UHRF1: variants seen among roughly 807,000 people sequenced by gnomAD.
UHRF1 encodes the protein E3 ubiquitin-protein ligase UHRF1.
Under a neutral mutation model 96.5 loss-of-function variants are expected in UHRF1, and 9 were observed. That is an observed-to-expected ratio of 0.09 (90% CI 0.06 to 0.16). The LOEUF is 0.16. Among genes scored for constraint, UHRF1 ranks in the 10% least tolerant of loss-of-function variants. The pLI, the probability that UHRF1 is intolerant of heterozygous loss-of-function variation, is 1.00. For missense variants in UHRF1, 626 were observed against 1,131.1 expected, an observed-to-expected ratio of 0.55 and a Z score of 6.40; for synonymous variants, 455 against 469.9, an observed-to-expected ratio of 0.97 and a Z score of 0.41.
At chr19:4,921,779 T>TA (rs2032712689) in intron 2 of UHRF1, among the ~76,000 whole-genome samples, 1 of 151,916 alleles carries the variant, frequency 6.6e-6, no homozygotes, top group Non-Finnish European at 1.5e-5. Context: ...AGAAAATTGA[T>TA]AAAGATGTAG....
At chr19:4,903,809 A>G (rs1025191139) in intron 1 of UHRF1, among the ~76,000 whole-genome samples, 2 of 151,914 alleles carry the variant, frequency 1.3e-5, no homozygotes, top group Non-Finnish European at 2.9e-5. Flanking sequence ...AGGTGCATAC[A>G]CACTCATTTT....
Position 4,941,567 on chromosome 19 carries a change from C to T in UHRF1, c.825C>T (p.Asp275=), listed in dbSNP as rs372527212. The change falls in exon 6 of 17, where the codon GAC becomes GAT. Residue 275 remains aspartate (D), a synonymous_variant. Transcript: ENST00000650932. Reference sequence around the variant, plus strand: ...ACGACTGTCGGATCATCTTCGTGGACGAAGTCTTCAAGATTGAGCGGCCGG... The same window carrying T: ...ACGACTGTCGGATCATCTTCGTGGATGAAGTCTTCAAGATTGAGCGGCCGG... The part of the protein sequence containing the change: ...SLNDCRIIFV[D]EVFKIERPGE... 2.0e-5 allele frequency: 33 copies of T among 1,613,610 alleles called. No homozygotes were observed. In the African/African-American group the frequency reaches 2.3e-4, roughly 11 times the overall value.
rs17886934 is a variant in UHRF1 at position 4,941,509 on chromosome 19, G to C, written c.786-19G>C. The stretch of plus-strand genomic sequence containing the variant: ...GGCCTCGGCAGGCCAGAATGTTCCA[G>C]CGTCCTCGTTCCTTGCAGGGATGAT... On this transcript the variant is annotated intron_variant, in intron 5 of 16. Transcript: ENST00000650932. 21 of 1,602,330 alleles carry C rather than the reference G, an allele frequency of 1.3e-5. No homozygotes were observed. Among genetic ancestry groups the C allele is most frequent in the African/African-American group, 1.1e-4 (8 of 74,696 alleles).
At chr19:4,941,108 T>TTTTTTTG (rs2033383759) in intron 5 of UHRF1, among the ~76,000 whole-genome samples, 2 of 111,298 alleles carry the variant, frequency 1.8e-5, no homozygotes, top group South Asian at 3.1e-4. Flanking sequence ...TTTTTTTTTT[T>TTTTTTTG]GAGACTGAGT....
At chr19:4,928,197 C>T (rs368723511) in intron 2 of UHRF1, among the ~76,000 whole-genome samples, 1 of 152,058 alleles carries the variant, frequency 6.6e-6, no homozygotes, top group Non-Finnish European at 1.5e-5. Flanking sequence ...AGGCCAGGGA[C>T]GCTGCTCAGC....
chr19:4,957,594 C>T (rs2033892373), intron 16 of UHRF1, among the ~76,000 whole-genome samples: 9 of 152,154 alleles, frequency 5.9e-5, no homozygotes, highest in Admixed American at 4.6e-4. Flanking sequence ...AGGTGTAAGC[C>T]ACCGCGCCCA....
intron 11 of UHRF1, 78 bp from the exon 12 acceptor site, chr19:4,950,533 C>G (rs1396848754): frequency 6.7e-7 from 1 of 1,482,788 alleles, no homozygotes; most frequent in Non-Finnish European, 9.1e-7. Context: ...CCTGAGCCAC[C>G]ACTCCCGGCT....
intron 10 of UHRF1, among the ~76,000 whole-genome samples, chr19:4,946,178 C>G (rs1035587883): frequency 1.3e-5 from 2 of 152,084 alleles, no homozygotes; most frequent in African/African-American, 4.8e-5. Flanking sequence ...ACGAAGCACT[C>G]ACTCCCCACC....
rs1262599379 is a variant in UHRF1, at chr19:4,954,415, G to A, written c.1884G>A (p.Glu628=). Residue 628 remains glutamate (E), a synonymous_variant, in exon 14 of 17, where the codon GAG becomes GAA. Coordinates refer to ENST00000650932, the MANE Select transcript of UHRF1 (RefSeq NM_001048201.3). The surrounding 1 kb of genome is among the most constrained non-coding windows in gnomAD (Gnocchi z 5.9). ...GAGAGAAGGAGAACAGCAAGAGGGAGGAGGAGGAGCAGCAGGAGGGGGGCT... is the reference window on the plus strand; with the variant it reads ...GAGAGAAGGAGAACAGCAAGAGGGAAGAGGAGGAGCAGCAGGAGGGGGGCT... The part of the protein sequence containing the change: ...REREKENSKR[E]EEEQQEGGFA... 3 of 1,613,764 alleles carry A rather than the reference G, an allele frequency of 1.9e-6. No individual in the cohort carries two copies. The highest frequency in any genetic ancestry group is 2.7e-5 in the African/African-American group (2 of 74,930).
At chr19:4,942,864 G>A (rs1284232000) in intron 7 of UHRF1, among the ~76,000 whole-genome samples, 2 of 152,108 alleles carry the variant, frequency 1.3e-5, no homozygotes, top group African/African-American at 4.8e-5. Context: ...CTGGAGCCCA[G>A]GAGGTCGAGG....
intron 9 of UHRF1, among the ~76,000 whole-genome samples, chr19:4,944,672 G>C (rs1394837293): frequency 1.3e-5 from 2 of 152,220 alleles, no homozygotes; most frequent in African/African-American, 2.4e-5. Context: ...TCTGCTCAGA[G>C]ACACGTAAGG....
upstream of UHRF1, among the ~76,000 whole-genome samples, chr19:4,907,704 C>CTTTTTTTTTTTT (rs59867968): frequency 2.1e-5 from 1 of 47,666 alleles, no homozygotes; most frequent in Non-Finnish European, 3.6e-5. Flanking sequence ...TTGGCCTGAT[C>CTTTTTTTTTTTT]TTTTTTTTTT....
intron 4 of UHRF1, among the ~76,000 whole-genome samples, chr19:4,932,219 G>A (rs1337670313): frequency 2.0e-5 from 3 of 152,146 alleles, no homozygotes; most frequent in Admixed American, 6.5e-5. Flanking sequence ...CACCGTGCCC[G>A]GCCATGCCTG....
chr19:4,931,531 G>A (rs1331814849), intron 4 of UHRF1, among the ~76,000 whole-genome samples: 1 of 150,318 alleles, frequency 6.7e-6, no homozygotes, highest in Non-Finnish European at 1.5e-5. Flanking sequence ...GCAATGGCGT[G>A]GTCTCAGCTC....
chr19:4,912,283 C>T (rs1167473973), intron 2 of UHRF1, among the ~76,000 whole-genome samples: 1 of 152,228 alleles, frequency 6.6e-6, no homozygotes, highest in African/African-American at 2.4e-5. Context: ...CTCCCTCCTC[C>T]TATGATGCGT....
chr19:4,947,055 T>C (rs2033587502), intron 10 of UHRF1, 50 bp from the exon 11 acceptor site: 3 of 1,440,082 alleles, frequency 2.1e-6, no homozygotes, highest in African/African-American at 2.9e-5. Context: ...AGTCTCTTTT[T>C]TTTTTTTTGC....
chr19:4,906,126 A>G (rs1388703993), upstream of UHRF1, among the ~76,000 whole-genome samples: 1 of 152,014 alleles, frequency 6.6e-6, no homozygotes, highest in African/African-American at 2.4e-5. Flanking sequence ...ACAGGTGCAC[A>G]CCACCATGCC....
intron 11 of UHRF1, among the ~76,000 whole-genome samples, chr19:4,947,682 G>C (rs1287028878): frequency 1.3e-5 from 2 of 151,468 alleles, no homozygotes; most frequent in African/African-American, 4.8e-5. Context: ...TGTATTTTTA[G>C]TAGAGATGGG....
chr19:4,929,430 C>T lies in UHRF1; in HGVS notation c.362C>T (p.Pro121Leu). The T allele has an allele frequency of 6.2e-7, 1 of 1,613,934 alleles. No individual in the cohort carries two copies. The highest frequency in any genetic ancestry group is 8.5e-7 in the Non-Finnish European group (1 of 1,179,876). Residue 121 changes from proline to leucine, a missense_variant, in exon 3 of 17, where the codon CCA becomes CTA. By Grantham distance (98) the Pro-to-Leu change is moderately conservative (BLOSUM62 -3). This residue lies in a region of UHRF1 where 22 missense variants were observed against 16.4 expected (regional missense o/e 1.34). Transcript: ENST00000650932. ...GCGGCCGCCGAGACTGACAGCAGGCCAGCCGATGAGGACATGTGGGATGAG... is the reference window on the plus strand; with the variant it reads ...GCGGCCGCCGAGACTGACAGCAGGCTAGCCGATGAGGACATGTGGGATGAG... Reference protein sequence around the residue: ...GEAAAETDSRPADEDMWDETE... With the variant: ...GEAAAETDSRLADEDMWDETE...
Sources: allele counts gnomAD v4.1 joint callset (sites outside exome capture counted in the v4.1 genomes callset), GRCh38; gene constraint gnomAD v4.1.1; regional missense constraint gnomAD v4.1.1; non-coding constraint Gnocchi (gnomAD v3.1); transcripts MANE v1.5; gene names NCBI Gene and HGNC (gene_info 2026-07-23, HGNC 2026-07-21).